Variants in ATP8A1 observed in about 807,000 individuals in gnomAD.
ATP8A1 encodes the protein phospholipid-transporting ATPase IA.
Under a neutral mutation model 177.7 loss-of-function variants are expected in ATP8A1, and 90 were observed. The ratio of observed to expected loss-of-function variants is 0.51; its 90% CI spans 0.43 to 0.60. The LOEUF (loss-of-function observed/expected upper bound fraction) is 0.60, where lower values mean the gene tolerates loss of function less well. Ranked by LOEUF, ATP8A1 falls within the 20% of genes least tolerant of loss-of-function variation. The pLI is 0.00. For missense variants in ATP8A1, 1,072 were observed against 1,392.8 expected (o/e 0.77, Z 3.67); for synonymous variants, 493 against 485.9 (o/e 1.01, Z -0.19).
intron 33 of ATP8A1, among the ~76,000 whole-genome samples, chr4:42,442,815 C>G (rs1290651494): frequency 6.6e-6 from 1 of 152,198 alleles, no homozygotes; most frequent in African/African-American, 2.4e-5. Context: ...TGTCACGGAG[C>G]TCACATTACC....
At chr4:42,567,264 C>T (rs1046337759) in intron 15 of ATP8A1, among the ~76,000 whole-genome samples, 13 of 152,158 alleles carry the variant, frequency 8.5e-5, no homozygotes, top group Admixed American at 8.5e-4. Context: ...TGAGGCTGGG[C>T]ATGGTGGCTG....
At chr4:42,602,312 C>T (rs1735364676) in intron 5 of ATP8A1, among the ~76,000 whole-genome samples, 1 of 152,178 alleles carries the variant, frequency 6.6e-6, no homozygotes, top group Non-Finnish European at 1.5e-5. Flanking sequence ...CCAAACTGAT[C>T]CCAGGAGTAA....
rs182093005 is a variant in ATP8A1, at chr4:42,635,845, G to C, written c.50-8736C>G. 2.0e-3 allele frequency among the ~76,000 whole-genome samples: 263 copies of C among 129,696 alleles called. 2 individuals carry two copies. The highest frequency in any genetic ancestry group is 7.0e-3 in the African/African-American group (253 of 35,892). The allele number at this position is 129,696 out of a possible 152,430, so 85.1% of individuals were successfully genotyped here. A position where few individuals can be genotyped will look rare whatever the true frequency, so the allele number is the denominator to read the frequency against. On this transcript the variant is annotated intron_variant, in intron 1 of 36. Transcript: ENST00000381668. ...TGTATGTATGTAAGCTTCTTAAGCA[G>C]GTGCAGCAGCTCCTGGAAGCACATG...
chr4:42,573,927 A>C (rs1323228174), intron 14 of ATP8A1, among the ~76,000 whole-genome samples: 7 of 152,164 alleles, frequency 4.6e-5, no homozygotes, highest in Non-Finnish European at 8.8e-5. Flanking sequence ...CAGCCAGGAG[A>C]GTGTTTCACC....
intron 20 of ATP8A1, among the ~76,000 whole-genome samples, chr4:42,532,369 C>T (rs2153201803): frequency 1.3e-5 from 2 of 151,974 alleles, no homozygotes; most frequent in South Asian, 4.2e-4. Context: ...GACTGTAATC[C>T]CAGCTACTCA....
chr4:42,628,866 G>A (rs1738405544), intron 1 of ATP8A1, among the ~76,000 whole-genome samples: 1 of 152,176 alleles, frequency 6.6e-6, no homozygotes, highest in Non-Finnish European at 1.5e-5. Flanking sequence ...GATGTTCTCA[G>A]GTTGTGTTGT....
At chr4:42,439,333 G>A (rs1457378116) in intron 33 of ATP8A1, among the ~76,000 whole-genome samples, 1 of 152,210 alleles carries the variant, frequency 6.6e-6, no homozygotes, top group Non-Finnish European at 1.5e-5. Context: ...GGAAGGATTA[G>A]TTAAATGAGA....
At chr4:42,430,484 T>C (rs1350722886) in intron 33 of ATP8A1, among the ~76,000 whole-genome samples, 4 of 151,788 alleles carry the variant, frequency 2.6e-5, no homozygotes, top group African/African-American at 9.7e-5. Context: ...TAGTGCCTTT[T>C]TTTTTTTTCT....
At chr4:42,642,490 G>A (rs1401832746) in intron 1 of ATP8A1, among the ~76,000 whole-genome samples, 2 of 152,190 alleles carry the variant, frequency 1.3e-5, no homozygotes, top group Non-Finnish European at 2.9e-5. Context: ...GAAGACGACA[G>A]AAACCTCCAC....
chr4:42,602,554 A>G (rs1411181967), intron 5 of ATP8A1, among the ~76,000 whole-genome samples: 1 of 152,186 alleles, frequency 6.6e-6, no homozygotes, highest in African/African-American at 2.4e-5. Context: ...ACCTGAGGTC[A>G]GGCGTTCGAG....
intron 24 of ATP8A1, among the ~76,000 whole-genome samples, chr4:42,502,513 TA>T (rs1723956461): frequency 6.6e-6 from 1 of 152,152 alleles, no homozygotes; most frequent in Non-Finnish European, 1.5e-5. Context: ...CTACGGAAGG[TA>T]AATGCCCAAA....
At position 42,552,477 on chromosome 4, in the gene ATP8A1, C is replaced by A. The variant is rs751476073; in HGVS notation, c.1519+28G>T. On this transcript the variant is annotated intron_variant, in intron 17 of 36. Transcript: ENST00000381668. ...ACATTCAGAACAATTTTCCACAAAA[C>A]AATACTTTACAATTGCTTCATTTGT... 8 of 1,538,280 alleles carry A rather than the reference C, an allele frequency of 5.2e-6. No homozygotes were observed. In the African/African-American group the frequency reaches 5.5e-5, roughly 11 times the overall value.
intron 25 of ATP8A1, among the ~76,000 whole-genome samples, chr4:42,473,822 T>G (rs200259600): frequency 2.3e-4 from 24 of 106,402 alleles, no homozygotes; most frequent in East Asian, 6.7e-4. Context: ...ATTTTTGTGT[T>G]TTTTTTTTTT....
chr4:42,508,321 C>T (rs112451293), intron 22 of ATP8A1, among the ~76,000 whole-genome samples: 10,283 of 152,120 alleles, frequency 0.068, 1,142 homozygotes, highest in African/African-American at 0.23. Flanking sequence ...GACGGGGTTT[C>T]ACCATGTTAG....
intron 22 of ATP8A1, among the ~76,000 whole-genome samples, chr4:42,516,630 T>G (rs1725564186): frequency 6.6e-6 from 1 of 152,218 alleles, no homozygotes; most frequent in Non-Finnish European, 1.5e-5. Context: ...AAATAAATAT[T>G]AAACATTTTC....
chr4:42,425,792 T>C (rs546682121), intron 33 of ATP8A1, among the ~76,000 whole-genome samples: 2 of 152,210 alleles, frequency 1.3e-5, no homozygotes, highest in South Asian at 4.2e-4. Context: ...TTTGCAAATT[T>C]CTCCTAATGT....
intron 25 of ATP8A1, among the ~76,000 whole-genome samples, chr4:42,470,611 A>G (rs1720293161): frequency 6.6e-6 from 1 of 151,836 alleles, no homozygotes; most frequent in African/African-American, 2.4e-5. Flanking sequence ...AATTATACTG[A>G]TAATATAATA....
chr4:42,613,338 T>TC (rs141266284), intron 5 of ATP8A1, among the ~76,000 whole-genome samples: 34,180 of 151,436 alleles, frequency 0.23, 4,337 homozygotes, highest in Non-Finnish European at 0.29. Flanking sequence ...GAAAGTACAG[T>TC]CCCCCCTCAA....
At chr4:42,601,744 AC>A (rs1735296573) in intron 5 of ATP8A1, among the ~76,000 whole-genome samples, 1 of 152,168 alleles carries the variant, frequency 6.6e-6, no homozygotes, top group Non-Finnish European at 1.5e-5. Flanking sequence ...CACAGTAGCT[AC>A]TCAGTAAGTA....
Sources: allele counts gnomAD v4.1 joint callset (sites outside exome capture counted in the v4.1 genomes callset), GRCh38; gene constraint gnomAD v4.1.1; transcripts MANE v1.5; gene names NCBI Gene and HGNC (gene_info 2026-07-23, HGNC 2026-07-21).